ACSM1: variants seen among roughly 807,000 people sequenced by gnomAD.
ACSM1 encodes acyl-CoA synthetase medium chain family member 1.
Under a neutral mutation model 75.8 loss-of-function variants are expected in ACSM1, and 79 were observed. The observed-to-expected ratio is 1.04, with a 90% CI of 0.87 to 1.26. The LOEUF (loss-of-function observed/expected upper bound fraction) is 1.26. ACSM1 is among the 50% of genes most tolerant of loss of function. The probability of loss-of-function intolerance (pLI) is 0.00; values close to 1 mark genes in which losing one functional copy is unlikely to be tolerated. For missense variants in ACSM1, 676 were observed against 720.1 expected, an observed-to-expected ratio of 0.94 and a Z score of 0.70; for synonymous variants, 279 against 265.8, an observed-to-expected ratio of 1.05 and a Z score of -0.48.
intron 4 of ACSM1, chr16:20,679,664 C>T (rs1458809161): frequency 6.6e-6 from 1 of 152,106 alleles, no homozygotes; most frequent in Non-Finnish European, 1.5e-5. Flanking sequence ...GTACATACTA[C>T]CTGGGTAAGG....
chr16:20,671,707 T>C, intron 4 of ACSM1, 36 bp from the exon 5 acceptor site: 2 of 1,476,140 alleles, frequency 1.4e-6, no homozygotes, highest in Non-Finnish European at 1.8e-6. Context: ...AAAAAAGTCA[T>C]GATTGCTGTT....
chr16:20,638,426 CT>C (rs1337707438), intron 8 of ACSM1, among the ~76,000 whole-genome samples: 1 of 152,164 alleles, frequency 6.6e-6, no homozygotes, highest in East Asian at 1.9e-4. Context: ...TTTTGTTTGT[CT>C]GTTTCCTTCA....
chr16:20,664,147 G>GTATTTATTTATTTATTTATTTATT (rs71149169), intron 6 of ACSM1, among the ~76,000 whole-genome samples: 1,583 of 145,590 alleles, frequency 0.011, 18 homozygotes, highest in African/African-American at 0.025. Flanking sequence ...AAATTGAATA[G>GTATTTATTTATTTATTTATTTATT]TATTTATTTA....
chr16:20,629,599 G>A (rs1460040559), intron 10 of ACSM1, among the ~76,000 whole-genome samples: 1 of 152,160 alleles, frequency 6.6e-6, no homozygotes, highest in African/African-American at 2.4e-5. Flanking sequence ...TTTAAATGTA[G>A]GTGGAGTAAG....
chr16:20,644,515 TG>T (rs1273638899), intron 7 of ACSM1, among the ~76,000 whole-genome samples: 1 of 150,340 alleles, frequency 6.7e-6, no homozygotes, highest in East Asian at 2.0e-4. Flanking sequence ...GGACAATAGA[TG>T]GCTCCTCCCA....
intron 7 of ACSM1, among the ~76,000 whole-genome samples, chr16:20,646,936 T>C (rs1036048088): frequency 2.0e-5 from 3 of 152,214 alleles, no homozygotes; most frequent in Admixed American, 2.0e-4. Flanking sequence ...AGCATTTGCT[T>C]GTGTCTCTCC....
chr16:20,630,824 C>T (rs1387116340), intron 10 of ACSM1, among the ~76,000 whole-genome samples: 2 of 152,114 alleles, frequency 1.3e-5, no homozygotes, highest in Non-Finnish European at 2.9e-5. Context: ...TACAAAGCAT[C>T]TTATCAAGTC....
rs2019785485 is a variant in ACSM1 at position 20,669,739 on chromosome 16, T to C, written c.912+88A>G. 1.6e-5 allele frequency: 22 copies of C among 1,396,548 alleles called. No homozygotes were observed. The South Asian group carries it at 2.9e-4, about 18-fold the overall frequency. The allele number at this position is 1,396,548 out of a possible 1,614,324, so 86.5% of individuals were successfully genotyped here. A position where few individuals can be genotyped will look rare whatever the true frequency, so the allele number is the denominator to read the frequency against. ...ATCATCTTAGGCTCATGGGCTTCTT[T>C]GCTTAATAAAATATTTTTTTAGCAA... On this transcript the variant is annotated intron_variant, in intron 6 of 13. Transcript: ENST00000520010.
chr16:20,624,913 G>A (rs1023138217), intron 12 of ACSM1, among the ~76,000 whole-genome samples: 4 of 151,994 alleles, frequency 2.6e-5, no homozygotes, highest in African/African-American at 9.7e-5. Context: ...TAGAGGTGGG[G>A]TTTCACCATG....
rs1360835651 is a variant in ACSM1 at position 20,692,500 on chromosome 16, T to C, written c.-51-1261A>G. 2.0e-5 allele frequency among the ~76,000 whole-genome samples: 3 copies of C among 152,132 alleles called. No individual in the cohort carries two copies. In the East Asian group the frequency reaches 5.8e-4, roughly 29 times the overall value. Reference sequence around the variant, plus strand: ...AAAGCTTTGTGGAGACCAAGTTTTATTGTGCACCGGTATCTCTCAGACACC... The same window carrying C: ...AAAGCTTTGTGGAGACCAAGTTTTACTGTGCACCGGTATCTCTCAGACACC... On this transcript the variant is annotated intron_variant, in intron 1 of 13. Transcript: ENST00000520010.
At chr16:20,693,624 T>C (rs2079674637) in intron 1 of ACSM1, among the ~76,000 whole-genome samples, 1 of 152,188 alleles carries the variant, frequency 6.6e-6, no homozygotes, top group Admixed American at 6.5e-5. Context: ...TTTCAACTTG[T>C]TGTCAAGTGG....
chr16:20,652,338 C>G (rs902410935), intron 7 of ACSM1, among the ~76,000 whole-genome samples: 2 of 151,462 alleles, frequency 1.3e-5, no homozygotes, highest in African/African-American at 4.9e-5. Flanking sequence ...ATATCTTTGT[C>G]TAATTAAAAC....
At chr16:20,696,131 C>A (rs531586958) in intron 1 of ACSM1, among the ~76,000 whole-genome samples, 1 of 152,298 alleles carries the variant, frequency 6.6e-6, no homozygotes, top group South Asian at 2.1e-4. Context: ...AGCATATCGC[C>A]TATATGTGTA....
intron 2 of ACSM1, among the ~76,000 whole-genome samples, chr16:20,690,071 T>A (rs1309647418): frequency 6.6e-6 from 1 of 152,258 alleles, no homozygotes; most frequent in Non-Finnish European, 1.5e-5. Flanking sequence ...TTTATTTTTC[T>A]TGAGGTTACT....
At chr16:20,693,190 A>T (rs2079671581) in intron 1 of ACSM1, among the ~76,000 whole-genome samples, 1 of 151,652 alleles carries the variant, frequency 6.6e-6, no homozygotes, top group South Asian at 2.1e-4. Context: ...AAAAAAATTC[A>T]GATCTTAGTC....
intron 10 of ACSM1, among the ~76,000 whole-genome samples, chr16:20,627,869 C>CATACATAT (rs1449856164): frequency 5.2e-5 from 4 of 77,550 alleles, no homozygotes; most frequent in Non-Finnish European, 7.2e-5. Context: ...TGTATGTATA[C>CATACATAT]ATATATATAT....
Position 20,667,884 on chromosome 16 carries a change from G to C in ACSM1, c.912+1943C>G, listed in dbSNP as rs535267662. On this transcript the variant is annotated intron_variant, in intron 6 of 13. Coordinates refer to ENST00000520010, the MANE Select transcript of ACSM1 (RefSeq NM_001318890.3). ...ATGAAGCTGGAGGCTGTTATCCTAAGTAAATTTATGCAGGAGTAAAAAACC... is the reference window on the plus strand; with the variant it reads ...ATGAAGCTGGAGGCTGTTATCCTAACTAAATTTATGCAGGAGTAAAAAACC... Among the ~76,000 whole-genome samples the C allele has an allele frequency of 2.6e-5, 4 of 152,278 alleles. No individual in the cohort carries two copies. The South Asian group carries it at 8.3e-4, about 32-fold the overall frequency.
intron 4 of ACSM1, chr16:20,679,041 T>G (rs1685773807): frequency 6.6e-6 from 1 of 152,238 alleles, no homozygotes; most frequent in Non-Finnish European, 1.5e-5. Flanking sequence ...ACAGACCCAG[T>G]ACACCCTTTC....
At chr16:20,632,454 C>T (rs2152199472) in intron 10 of ACSM1, among the ~76,000 whole-genome samples, 1 of 152,276 alleles carries the variant, frequency 6.6e-6, no homozygotes, top group Admixed American at 6.5e-5. Context: ...GGAAAAACTA[C>T]TGGAAACACA....
Sources: allele counts gnomAD v4.1 joint callset (sites outside exome capture counted in the v4.1 genomes callset), GRCh38; gene constraint gnomAD v4.1.1; transcripts MANE v1.5; gene names NCBI Gene and HGNC (gene_info 2026-07-23, HGNC 2026-07-21).